Variants in KATNA1 observed in about 807,000 individuals in gnomAD.
The protein encoded by KATNA1 is katanin p60 ATPase-containing subunit A1.
In KATNA1, 42 loss-of-function variants were observed where a neutral mutation model predicts 62.6. The ratio of observed to expected loss-of-function variants is 0.67; its 90% CI spans 0.52 to 0.87. The LOEUF (loss-of-function observed/expected upper bound fraction) is 0.87, where lower values mean the gene tolerates loss of function less well. Among genes scored for constraint, KATNA1 ranks in the 40% least tolerant of loss-of-function variants. The pLI is 0.00. For missense variants in KATNA1, 498 were observed against 612.5 expected (o/e 0.81, Z 1.97); for synonymous variants, 186 against 201.9 (o/e 0.92, Z 0.67).
intron 1 of KATNA1, among the ~76,000 whole-genome samples, chr6:149,640,522 G>T (rs1486883746): frequency 6.6e-6 from 1 of 151,864 alleles, no homozygotes; most frequent in Non-Finnish European, 1.5e-5. Flanking sequence ...TGTAAGTATG[G>T]TGGGGGTTTT....
At chr6:149,621,999 C>T (rs1027465165) in intron 4 of KATNA1, among the ~76,000 whole-genome samples, 5 of 151,780 alleles carry the variant, frequency 3.3e-5, no homozygotes, top group Admixed American at 6.6e-5. Flanking sequence ...TCTGACCTAG[C>T]GGGGACAGAA....
chr6:149,601,487 G>T, intron 7 of KATNA1, 107 bp downstream of exon 7: 2 of 969,118 alleles, frequency 2.1e-6, no homozygotes, highest in Non-Finnish European at 1.5e-6. Context: ...CATACTCTGG[G>T]CAAAATGGCA....
At chr6:149,626,509 C>G (rs1177006286) in intron 3 of KATNA1, among the ~76,000 whole-genome samples, 1 of 148,330 alleles carries the variant, frequency 6.7e-6, no homozygotes, top group African/African-American at 2.5e-5. Flanking sequence ...GTCTCGATCT[C>G]CTGACCTCGT....
intron 4 of KATNA1, among the ~76,000 whole-genome samples, chr6:149,619,406 G>T (rs1282772656): frequency 6.6e-6 from 1 of 151,946 alleles, no homozygotes; most frequent in Non-Finnish European, 1.5e-5. Flanking sequence ...TGAGCTCAGG[G>T]GTTCGAGACC....
chr6:149,618,069 C>T (rs1229946747), intron 4 of KATNA1, among the ~76,000 whole-genome samples: 3 of 148,574 alleles, frequency 2.0e-5, no homozygotes, highest in South Asian at 2.1e-4. Flanking sequence ...GCAGGAGGAT[C>T]GCTTGAACCT....
rs1160649817 is a variant in KATNA1 at position 149,604,709 on chromosome 6, A to G, written c.575T>C (p.Val192Ala). 3 of 1,612,486 alleles carry G rather than the reference A, an allele frequency of 1.9e-6. No homozygotes were observed. Among genetic ancestry groups the G allele is most frequent in the Non-Finnish European group, 2.5e-6 (3 of 1,178,534 alleles). The change falls in exon 5 of 11, where the codon GTA becomes GCA. Residue 192 changes from valine to alanine, a missense_variant. Val to Ala is a moderately conservative substitution (Grantham distance 64). This residue lies in a region of KATNA1 where 203 missense variants were observed against 198.4 expected (regional missense o/e 1.02). Coordinates refer to ENST00000367411, the MANE Select transcript of KATNA1 (RefSeq NM_007044.4). ...FDSTGYDKDL[V>A]EALERDIISQ... ...AATTATATCTCTTTCCAAAGCTTCT[A>G]CTAAGTCTTTATCATATCCGGTACT...
At chr6:149,630,606 C>T (rs987951983) in intron 3 of KATNA1, among the ~76,000 whole-genome samples, 3 of 151,606 alleles carry the variant, frequency 2.0e-5, no homozygotes, top group South Asian at 2.1e-4. Context: ...CCAGCCTGGG[C>T]GAAAGAGCAA....
intron 4 of KATNA1, among the ~76,000 whole-genome samples, chr6:149,617,078 C>G (rs1281594857): frequency 1.3e-5 from 2 of 152,154 alleles, no homozygotes; most frequent in African/African-American, 4.8e-5. Context: ...CTGTATGATT[C>G]CACTCAGATG....
At chr6:149,611,868 G>A (rs1053405612) in intron 4 of KATNA1, among the ~76,000 whole-genome samples, 19 of 152,060 alleles carry the variant, frequency 1.2e-4, no homozygotes, top group African/African-American at 4.3e-4. Flanking sequence ...GTGTGGTGGC[G>A]GGCGCCTGTA....
chr6:149,643,593 G>C (rs1780370244), intron 1 of KATNA1, among the ~76,000 whole-genome samples: 1 of 151,936 alleles, frequency 6.6e-6, no homozygotes, highest in African/African-American at 2.4e-5. Flanking sequence ...ATATCTCTCT[G>C]TTATTTACTG....
chr6:149,630,009 T>C (rs530607934), intron 3 of KATNA1, among the ~76,000 whole-genome samples: 7 of 152,318 alleles, frequency 4.6e-5, no homozygotes, highest in Non-Finnish European at 1.0e-4. Context: ...TATGCAATGA[T>C]TGTTGACTAT....
At chr6:149,646,801 G>A (rs578171735) in intron 1 of KATNA1, among the ~76,000 whole-genome samples, 4 of 152,152 alleles carry the variant, frequency 2.6e-5, no homozygotes, top group African/African-American at 9.6e-5. Context: ...AAGCCCTATC[G>A]ATAAACGCCA....
At chr6:149,598,520 C>G (rs1384500884) in intron 7 of KATNA1, among the ~76,000 whole-genome samples, 170 bp from the exon 8 acceptor site, 1 of 151,898 alleles carries the variant, frequency 6.6e-6, no homozygotes, top group African/African-American at 2.4e-5. Flanking sequence ...CCCAAGAGTT[C>G]GAGACCAGCC....
At chr6:149,642,005 CA>C (rs1780309535) in intron 1 of KATNA1, among the ~76,000 whole-genome samples, 1 of 152,114 alleles carries the variant, frequency 6.6e-6, no homozygotes, top group Admixed American at 6.5e-5. Flanking sequence ...CAGGTTCAAG[CA>C]ATTCTCCTGC....
intron 4 of KATNA1, among the ~76,000 whole-genome samples, chr6:149,620,089 C>T (rs1323256851): frequency 6.6e-6 from 1 of 152,016 alleles, no homozygotes; most frequent in African/African-American, 2.4e-5. Flanking sequence ...AAGGCAGGCA[C>T]AGAAAGATAA....
intron 4 of KATNA1, among the ~76,000 whole-genome samples, chr6:149,610,467 T>C (rs1182807327): frequency 2.0e-5 from 3 of 151,784 alleles, no homozygotes; most frequent in Non-Finnish European, 4.4e-5. Flanking sequence ...AAAAACAAAC[T>C]TAGACAAGTT....
At chr6:149,636,009 C>T (rs559456803) in intron 2 of KATNA1, among the ~76,000 whole-genome samples, 3 of 149,814 alleles carry the variant, frequency 2.0e-5, no homozygotes, top group East Asian at 2.0e-4. Context: ...GAGCTGAGAC[C>T]GCGCCATTGC....
chr6:149,646,327 A>C (rs983847806), intron 1 of KATNA1, among the ~76,000 whole-genome samples: 1 of 152,196 alleles, frequency 6.6e-6, no homozygotes, highest in Admixed American at 6.5e-5. Flanking sequence ...GGAAGGCTGA[A>C]AGTGTTTTTT....
At chr6:149,645,456 C>CAAAAAAAAAAAAAAAAAAAA (rs201041700) in intron 1 of KATNA1, among the ~76,000 whole-genome samples, 1 of 123,792 alleles carries the variant, frequency 8.1e-6, no homozygotes. Context: ...AAACAAAAAA[C>CAAAAAAAAAAAAAAAAAAAA]AAAAAAAAAA....
Sources: allele counts gnomAD v4.1 joint callset (sites outside exome capture counted in the v4.1 genomes callset), GRCh38; gene constraint gnomAD v4.1.1; regional missense constraint gnomAD v4.1.1; transcripts MANE v1.5; gene names NCBI Gene and HGNC (gene_info 2026-07-23, HGNC 2026-07-21).